Variants in PRPSAP2 observed in about 807,000 individuals in gnomAD.
PRPSAP2 encodes the protein phosphoribosyl pyrophosphate synthase-associated protein 2.
A neutral mutation model predicts 40.6 loss-of-function variants in PRPSAP2; 24 were observed. That is an observed-to-expected ratio of 0.59 (90% confidence interval 0.43 to 0.83). The LOEUF (loss-of-function observed/expected upper bound fraction) is 0.83. Ranked by LOEUF, PRPSAP2 falls within the 40% of genes least tolerant of loss-of-function variation. The pLI is 0.00. For synonymous variants in PRPSAP2, 149 were observed against 164.7 expected (o/e 0.90, Z 0.73); for missense variants, 292 against 465.6 (o/e 0.63, Z 3.43).
At chr17:18,915,749 A>G (rs2041270607) in intron 9 of PRPSAP2, among the ~76,000 whole-genome samples, 1 of 152,134 alleles carries the variant, frequency 6.6e-6, no homozygotes, top group African/African-American at 2.4e-5. Flanking sequence ...TAATCCATTC[A>G]TGAAGGATCT....
chr17:18,902,707 T>C (rs1026410010), intron 8 of PRPSAP2, among the ~76,000 whole-genome samples: 1 of 151,528 alleles, frequency 6.6e-6, no homozygotes, highest in African/African-American at 2.4e-5. Context: ...CTGTCTCTAC[T>C]AAAAATACAA....
chr17:18,885,938 G>T (rs1346214304), intron 7 of PRPSAP2, among the ~76,000 whole-genome samples: 1 of 152,028 alleles, frequency 6.6e-6, no homozygotes, highest in East Asian at 1.9e-4. Flanking sequence ...GGCCAGGCTG[G>T]TCTTGAACTT....
intron 1 of PRPSAP2, among the ~76,000 whole-genome samples, chr17:18,862,010 C>T (rs941082898): frequency 3.9e-5 from 6 of 152,276 alleles, no homozygotes; most frequent in Admixed American, 1.3e-4. Context: ...GCCTCAGCCT[C>T]GTGAGTAGCT....
chr17:18,908,189 A>G (rs1294090897), intron 8 of PRPSAP2: 2 of 636,874 alleles, frequency 3.1e-6, no homozygotes, highest in African/African-American at 1.8e-5. Context: ...TGCGGTGGGA[A>G]GAAGCTCCTG....
chr17:18,908,705 A>G (rs375885242), intron 8 of PRPSAP2: 6 of 723,522 alleles, frequency 8.3e-6, no homozygotes, highest in East Asian at 5.1e-5. Flanking sequence ...AATATTGAGA[A>G]TGCACAGAAA....
intron 10 of PRPSAP2, among the ~76,000 whole-genome samples, chr17:18,926,777 A>T (rs182595613): frequency 6.7e-6 from 1 of 148,222 alleles, no homozygotes; most frequent in Non-Finnish European, 1.5e-5. Flanking sequence ...AGTGAGTGTG[A>T]GTGTGTGTGT....
chr17:18,922,180 A>G (rs2041722282), intron 9 of PRPSAP2, among the ~76,000 whole-genome samples: 1 of 152,186 alleles, frequency 6.6e-6, no homozygotes, highest in Admixed American at 6.5e-5. Flanking sequence ...GTGGCTGGAT[A>G]ATATTTCATT....
At chr17:18,863,831 C>CTTTTTTTT (rs34770102) in intron 1 of PRPSAP2, among the ~76,000 whole-genome samples, 36 of 86,044 alleles carry the variant, frequency 4.2e-4, no homozygotes, top group South Asian at 8.0e-4. Flanking sequence ...ACTGCGTGGC[C>CTTTTTTTT]TTTTTTTTTT....
At chr17:18,908,488 C>T (rs575047156) in intron 8 of PRPSAP2, 48 of 759,638 alleles carry the variant, frequency 6.3e-5, no homozygotes, top group Middle Eastern at 7.1e-4. Flanking sequence ...GCACCGGCAA[C>T]GTCAAGCTCC....
chr17:18,911,067 A>C lies in PRPSAP2; in HGVS notation c.585-36A>C. On this transcript the variant is annotated intron_variant, in intron 8 of 11. Coordinates refer to ENST00000268835, the MANE Select transcript of PRPSAP2 (RefSeq NM_002767.4). This position sits in a 1 kb window ranked among gnomAD's most constrained non-coding sequence, Gnocchi z 4.5. ...AGGCATTAGCAGAACCAAGGGCTGC[A>C]TGAGTTTTGAGCTTGTGTCTGGTGT... is the stretch of plus-strand genomic sequence containing the variant. 3 of 1,574,914 alleles carry C rather than the reference A, an allele frequency of 1.9e-6. No individual in the cohort carries two copies. Among genetic ancestry groups the C allele is most frequent in the Non-Finnish European group, 2.6e-6 (3 of 1,155,662 alleles).
At chr17:18,872,872 C>T (rs909447846) in intron 5 of PRPSAP2, among the ~76,000 whole-genome samples, 1 of 151,300 alleles carries the variant, frequency 6.6e-6, no homozygotes, top group Admixed American at 6.6e-5. Flanking sequence ...AGACAAAGTC[C>T]CACTCCTTCA....
chr17:18,882,476 A>C (rs1049968569), intron 6 of PRPSAP2, 92 bp from the exon 7 acceptor site: 21 of 796,760 alleles, frequency 2.6e-5, no homozygotes, highest in Admixed American at 1.0e-4. Context: ...ATGCCACTGC[A>C]CTCCAGCCTG....
intron 8 of PRPSAP2, among the ~76,000 whole-genome samples, chr17:18,890,390 A>C (rs1019748954): frequency 7.9e-5 from 12 of 151,458 alleles, no homozygotes; most frequent in African/African-American, 9.7e-5. Flanking sequence ...GGCTGGTCTC[A>C]AACTCCTGAC....
intron 8 of PRPSAP2, 108 bp downstream of exon 8, chr17:18,889,985 T>G: frequency 8.1e-5 from 72 of 884,102 alleles, no homozygotes; most frequent in Non-Finnish European, 1.2e-4. Flanking sequence ...GCGATATCTC[T>G]TATTTTTCTT....
chr17:18,928,906 CTTG>C lies in PRPSAP2; in HGVS notation c.905_907del (p.Leu302del). 1 of 1,614,108 alleles carries C rather than the reference CTTG, an allele frequency of 6.2e-7. No homozygotes were observed. The highest frequency in any genetic ancestry group is 8.5e-7 in the Non-Finnish European group (1 of 1,179,988). ...AGATCTTTGTGATGGCAACTCATGG[CTTG>C]TTGTCTTCTGACGCCCCCCGGCGGA... On this transcript the variant is annotated inframe_deletion, in exon 11 of 12. Coordinates refer to ENST00000268835, the MANE Select transcript of PRPSAP2 (RefSeq NM_002767.4).
chr17:18,908,859 G>A (rs1417336698), intron 8 of PRPSAP2: 4 of 623,634 alleles, frequency 6.4e-6, no homozygotes, highest in South Asian at 1.7e-5. Context: ...CTGAGGAGAA[G>A]CAATAAATCA....
Position 18,905,655 on chromosome 17 carries a change from C to T in PRPSAP2, c.585-5448C>T, listed in dbSNP as rs138928314. 4.1e-3 allele frequency among the ~76,000 whole-genome samples: 627 copies of T among 152,096 alleles called. 6 individuals are homozygous for T. The highest frequency in any genetic ancestry group is 0.014 in the African/African-American group (593 of 41,470). ...AGTGCAATGGTGCGATCTCGGCTCA[C>T]CGCAATCTCCGCCTCCCGGGTTCAA... On this transcript the variant is annotated intron_variant, in intron 8 of 11. Transcript: ENST00000268835.
chr17:18,915,784 AC>A, intron 9 of PRPSAP2, among the ~76,000 whole-genome samples: 1 of 151,112 alleles, frequency 6.6e-6, no homozygotes, highest in African/African-American at 2.4e-5. Context: ...AACATCTCCC[AC>A]TAGGCCCCAC....
intron 8 of PRPSAP2, among the ~76,000 whole-genome samples, chr17:18,892,563 AT>A (rs755911663): frequency 2.0e-5 from 3 of 146,574 alleles, no homozygotes; most frequent in Non-Finnish European, 3.0e-5. Context: ...TTTCATTTGC[AT>A]TTCCCTAATG....
Sources: gnomAD v4.1 joint callset for allele counts (sites outside exome capture counted in the v4.1 genomes callset) on GRCh38, gnomAD v4.1.1 for gene constraint, Gnocchi (gnomAD v3.1) non-coding constraint, MANE v1.5 for transcripts, NCBI Gene and HGNC (gene_info 2026-07-23, HGNC 2026-07-21) for gene names.